Variants in KDM4B observed in about 807,000 individuals in gnomAD.
KDM4B encodes the protein lysine-specific demethylase 4B.
Under a neutral mutation model 125.2 loss-of-function variants are expected in KDM4B, and 32 were observed. That is an observed-to-expected ratio of 0.26 (90% CI 0.19 to 0.34). The LOEUF (loss-of-function observed/expected upper bound fraction) is 0.34, where lower values mean the gene tolerates loss of function less well. Among genes scored for constraint, KDM4B ranks in the 10% least tolerant of loss-of-function variants. The probability of loss-of-function intolerance (pLI) is 1.00; values close to 1 mark genes in which losing one functional copy is unlikely to be tolerated. For synonymous variants in KDM4B, 721 were observed against 677.9 expected (o/e 1.06, Z -0.99); for missense variants, 1,190 against 1,577.7 (o/e 0.75, Z 4.16).
At chr19:5,077,833 G>A (rs746941495) in intron 8 of KDM4B, 23 of 256,820 alleles carry the variant, frequency 9.0e-5, no homozygotes, top group Admixed American at 2.0e-4. Context: ...AGGGCCCCTC[G>A]TCCCGTGCAA....
chr19:5,057,512 T>C (rs534331639), intron 6 of KDM4B, among the ~76,000 whole-genome samples: 21 of 152,338 alleles, frequency 1.4e-4, no homozygotes, highest in African/African-American at 5.1e-4. Context: ...CTGCTGCTCA[T>C]GTAAGAAATT....
intron 9 of KDM4B, among the ~76,000 whole-genome samples, chr19:5,085,645 A>G (rs2038466500): frequency 6.6e-6 from 1 of 152,218 alleles, no homozygotes; most frequent in African/African-American, 2.4e-5. Context: ...GCAGGCGCCC[A>G]GGGCCTGGGC....
intron 2 of KDM4B, among the ~76,000 whole-genome samples, chr19:5,023,077 AC>A (rs1380050462): frequency 4.6e-5 from 7 of 152,068 alleles, no homozygotes; most frequent in Admixed American, 3.3e-4. Context: ...CTGGGAGATG[AC>A]CCTGGATGAT....
intron 2 of KDM4B, among the ~76,000 whole-genome samples, chr19:5,023,676 C>CT (rs1201022845): frequency 1.3e-5 from 2 of 151,398 alleles, no homozygotes; most frequent in Non-Finnish European, 2.9e-5. Flanking sequence ...GACAAGAGGA[C>CT]GAGGGCTCGA....
At chr19:5,089,953 G>A (rs1219504673) in intron 9 of KDM4B, among the ~76,000 whole-genome samples, 1 of 152,166 alleles carries the variant, frequency 6.6e-6, no homozygotes, top group Non-Finnish European at 1.5e-5. Flanking sequence ...AGGGTTGCAT[G>A]ATTCCAGAGG....
chr19:5,137,918 G>C (rs527472872), intron 17 of KDM4B, 44 bp from the exon 18 acceptor site: 127 of 1,515,698 alleles, frequency 8.4e-5, no homozygotes, highest in Middle Eastern at 1.7e-4. Flanking sequence ...GACCAGCCCA[G>C]GTCCTCAGAG....
At chr19:4,984,005 C>T (rs537954087) in intron 1 of KDM4B, among the ~76,000 whole-genome samples, 3 of 152,302 alleles carry the variant, frequency 2.0e-5, no homozygotes, top group Admixed American at 6.5e-5. Context: ...GTTCTCACCC[C>T]AGGGGCAATT....
chr19:5,080,082 G>A (rs1044605322), intron 8 of KDM4B, among the ~76,000 whole-genome samples: 9 of 152,172 alleles, frequency 5.9e-5, no homozygotes, highest in East Asian at 3.9e-4. Context: ...CCGCGTGCTC[G>A]TTCTGCTGCA....
chr19:5,045,430 A>G (rs1322172708), intron 5 of KDM4B, among the ~76,000 whole-genome samples: 1 of 152,116 alleles, frequency 6.6e-6, no homozygotes, highest in Non-Finnish European at 1.5e-5. Flanking sequence ...TCTGTTGCCC[A>G]GGTTGGAGTG....
At chr19:5,092,753 C>CA (rs1199941224) in intron 9 of KDM4B, among the ~76,000 whole-genome samples, 2 of 152,156 alleles carry the variant, frequency 1.3e-5, no homozygotes, top group East Asian at 3.9e-4. Context: ...GCAGGAGAGT[C>CA]AGAGGAGGGG....
At chr19:5,060,177 C>A (rs10407586) in intron 6 of KDM4B, among the ~76,000 whole-genome samples, 6,513 of 152,086 alleles carry the variant, frequency 0.043, 480 homozygotes, top group African/African-American at 0.15. Flanking sequence ...TGGTGGCTCA[C>A]GCCTGTAATC....
At chr19:5,085,720 C>T (rs1462060673) in intron 9 of KDM4B, among the ~76,000 whole-genome samples, 1 of 152,218 alleles carries the variant, frequency 6.6e-6, no homozygotes, top group Non-Finnish European at 1.5e-5. Context: ...TGTAGTCAGG[C>T]CTGGCCTGGG....
intron 9 of KDM4B, among the ~76,000 whole-genome samples, chr19:5,100,482 C>T (rs1568297820): frequency 2.0e-5 from 3 of 152,164 alleles, no homozygotes; most frequent in Admixed American, 1.3e-4. Context: ...GCCTAGAGTG[C>T]AGTGGTGCAG....
intron 1 of KDM4B, among the ~76,000 whole-genome samples, chr19:4,970,189 G>GT (rs2034205424): frequency 2.0e-5 from 3 of 152,196 alleles, no homozygotes; most frequent in African/African-American, 7.2e-5. Flanking sequence ...ACGGTGGAAG[G>GT]TTTTAAGGGG....
At chr19:5,095,568 G>A (rs747891286) in intron 9 of KDM4B, among the ~76,000 whole-genome samples, 8 of 152,256 alleles carry the variant, frequency 5.3e-5, no homozygotes, top group Non-Finnish European at 1.0e-4. Flanking sequence ...GCTGCACACT[G>A]AGAGCTGGGG....
At chr19:5,065,328 C>T (rs770055436) in intron 6 of KDM4B, among the ~76,000 whole-genome samples, 10 of 152,228 alleles carry the variant, frequency 6.6e-5, no homozygotes, top group African/African-American at 2.4e-4. Flanking sequence ...CCCAGCTGCC[C>T]AGGACGGCCT....
intron 1 of KDM4B, among the ~76,000 whole-genome samples, chr19:4,980,628 T>TA (rs2034605437): frequency 2.0e-5 from 3 of 152,012 alleles, no homozygotes; most frequent in African/African-American, 7.2e-5. Flanking sequence ...TTCACCATGT[T>TA]ACATGGCCAG....
chr19:5,060,810 G>A (rs529252668), intron 6 of KDM4B, among the ~76,000 whole-genome samples: 1 of 152,190 alleles, frequency 6.6e-6, no homozygotes, highest in Non-Finnish European at 1.5e-5. Context: ...CCCCTGTGAC[G>A]GGCACTCTCA....
chr19:5,077,551 G>A (rs767842166), intron 8 of KDM4B, 81 bp downstream of exon 8: 64 of 1,192,734 alleles, frequency 5.4e-5, no homozygotes, highest in Non-Finnish European at 7.7e-5. Flanking sequence ...TACCCCAGGA[G>A]ATAAGCTGTT....
Sources: allele counts gnomAD v4.1 joint callset (sites outside exome capture counted in the v4.1 genomes callset), GRCh38; gene constraint gnomAD v4.1.1; transcripts MANE v1.5; gene names NCBI Gene and HGNC (gene_info 2026-07-23, HGNC 2026-07-21).